CCSER2: variants seen among roughly 807,000 people sequenced by gnomAD.
CCSER2 encodes the protein serine-rich coiled-coil domain-containing protein 2.
A neutral mutation model predicts 92.3 loss-of-function variants in CCSER2; 46 were observed. That is an observed-to-expected ratio of 0.50 (90% CI 0.39 to 0.64). The LOEUF (loss-of-function observed/expected upper bound fraction) is 0.64. Ranked by LOEUF, CCSER2 falls within the 30% of genes least tolerant of loss-of-function variation. CCSER2 has a pLI of 0.00. For synonymous variants in CCSER2, 433 were observed against 431.4 expected (o/e 1.00, Z -0.04); for missense variants, 1,244 against 1,238.9 (o/e 1.00, Z -0.06).
chr10:84,404,527 A>C (rs548895556), intron 3 of CCSER2, among the ~76,000 whole-genome samples: 1 of 152,212 alleles, frequency 6.6e-6, no homozygotes, highest in Non-Finnish European at 1.5e-5. Flanking sequence ...ACACTAAATG[A>C]AATTAGTGCT....
At chr10:84,398,899 T>G (rs749711854) in intron 3 of CCSER2, among the ~76,000 whole-genome samples, 1 of 152,226 alleles carries the variant, frequency 6.6e-6, no homozygotes, top group Non-Finnish European at 1.5e-5. Context: ...TTAAGGAAGT[T>G]TCTTCTGTAC....
intron 1 of CCSER2, among the ~76,000 whole-genome samples, chr10:84,334,090 A>G (rs143919332): frequency 6.6e-6 from 1 of 152,338 alleles, no homozygotes; most frequent in East Asian, 1.9e-4. Context: ...GGATGGGGGA[A>G]GAGCCATCAG....
chr10:84,474,976 G>C (rs1186283573), intron 8 of CCSER2, among the ~76,000 whole-genome samples: 1 of 152,188 alleles, frequency 6.6e-6, no homozygotes, highest in African/African-American at 2.4e-5. Context: ...TTAGGTTCCA[G>C]ATCAGCTTTT....
chr10:84,383,892 A>C (rs1234576658), intron 3 of CCSER2, among the ~76,000 whole-genome samples: 1 of 152,206 alleles, frequency 6.6e-6, no homozygotes, highest in East Asian at 1.9e-4. Context: ...ACAGGCTGCC[A>C]GCTAGATTAG....
chr10:84,484,515 G>GTGTGTGTA (rs1847690231), intron 9 of CCSER2, among the ~76,000 whole-genome samples: 1 of 151,840 alleles, frequency 6.6e-6, no homozygotes, highest in Admixed American at 6.6e-5. Flanking sequence ...GTGTGTGTGT[G>GTGTGTGTA]TTTCAAAGGG....
chr10:84,417,510 A>G (rs1842942795), intron 3 of CCSER2, among the ~76,000 whole-genome samples: 1 of 152,230 alleles, frequency 6.6e-6, no homozygotes, highest in Non-Finnish European at 1.5e-5. Flanking sequence ...AAAAACATGG[A>G]CTTAAAAGTT....
intron 6 of CCSER2, among the ~76,000 whole-genome samples, chr10:84,441,755 T>TGAGACGAAG: frequency 1.2e-5 from 1 of 80,248 alleles, no homozygotes. Flanking sequence ...TTTTTTTTTT[T>TGAGACGAAG]TTTTTTTTTT....
chr10:84,396,006 A>G (rs772105537), intron 3 of CCSER2, among the ~76,000 whole-genome samples: 4 of 152,072 alleles, frequency 2.6e-5, no homozygotes, highest in Non-Finnish European at 4.4e-5. Flanking sequence ...CTTCTCTTCT[A>G]TATTTATTTC....
chr10:84,355,547 T>C (rs1169324738), intron 1 of CCSER2, among the ~76,000 whole-genome samples: 1 of 152,236 alleles, frequency 6.6e-6, no homozygotes, highest in Admixed American at 6.5e-5. Context: ...TACTCTGCTC[T>C]AGCAGTTATA....
chr10:84,509,893 C>T (rs193249287), intron 9 of CCSER2, among the ~76,000 whole-genome samples: 31 of 152,262 alleles, frequency 2.0e-4, no homozygotes, highest in African/African-American at 6.5e-4. Flanking sequence ...TCTTGCCTGT[C>T]CCCTTCAAAT....
At chr10:84,333,459 T>C (rs1843681750) in intron 1 of CCSER2, among the ~76,000 whole-genome samples, 1 of 152,190 alleles carries the variant, frequency 6.6e-6, no homozygotes, top group African/African-American at 2.4e-5. Context: ...TAGTAAGCAT[T>C]GGAACTGGAA....
chr10:84,481,066 G>A (rs1847428155), intron 9 of CCSER2, among the ~76,000 whole-genome samples: 1 of 152,058 alleles, frequency 6.6e-6, no homozygotes, highest in Non-Finnish European at 1.5e-5. Context: ...ACCAGAAAGT[G>A]GCTTGGTGGC....
intron 9 of CCSER2, among the ~76,000 whole-genome samples, chr10:84,487,162 T>G (rs1847857291): frequency 6.6e-6 from 1 of 152,250 alleles, no homozygotes; most frequent in Non-Finnish European, 1.5e-5. Flanking sequence ...TAGTATAGTT[T>G]GAAGTCAGGT....
At chr10:84,409,331 G>C (rs1473845046) in intron 3 of CCSER2, among the ~76,000 whole-genome samples, 2 of 151,646 alleles carry the variant, frequency 1.3e-5, no homozygotes, top group African/African-American at 4.8e-5. Context: ...GTAGAGATGG[G>C]ATCTCCTTAT....
chr10:84,465,825 AC>A (rs1846388065), intron 7 of CCSER2, among the ~76,000 whole-genome samples: 1 of 151,526 alleles, frequency 6.6e-6, no homozygotes, highest in Non-Finnish European at 1.5e-5. Context: ...ATCTTGGCTC[AC>A]TGCAAGCTCA....
At chr10:84,425,099 T>C in intron 4 of CCSER2, 2 of 973,974 alleles carry the variant, frequency 2.1e-6, no homozygotes, top group Non-Finnish European at 2.4e-6. Flanking sequence ...CGTGTTTTTG[T>C]GGTATTTGGG....
intron 4 of CCSER2, among the ~76,000 whole-genome samples, chr10:84,420,483 G>A (rs1017359905): frequency 1.3e-5 from 2 of 152,082 alleles, no homozygotes; most frequent in Admixed American, 6.5e-5. Context: ...CTTAAGTCCC[G>A]AACAATTATA....
chr10:84,493,976 C>G, intron 9 of CCSER2, among the ~76,000 whole-genome samples: 1 of 152,150 alleles, frequency 6.6e-6, no homozygotes, highest in Admixed American at 6.5e-5. Flanking sequence ...GAGCAAGCAA[C>G]CTAGATTTCT....
At chr10:84,443,232 T>G (rs1844687178) in intron 6 of CCSER2, among the ~76,000 whole-genome samples, 1 of 152,058 alleles carries the variant, frequency 6.6e-6, no homozygotes, top group Non-Finnish European at 1.5e-5. Flanking sequence ...GGGAGAAAAT[T>G]TTTGCAATCT....
Sources: allele counts gnomAD v4.1 joint callset (sites outside exome capture counted in the v4.1 genomes callset), GRCh38; gene constraint gnomAD v4.1.1; transcripts MANE v1.5; gene names NCBI Gene and HGNC (gene_info 2026-07-23, HGNC 2026-07-21).